KCNN2: variants seen among roughly 807,000 people sequenced by gnomAD.
KCNN2 encodes the protein small conductance calcium-activated potassium channel protein 2.
KCNN2 carries 24 observed loss-of-function variants against 55.5 expected under a neutral mutation model. The observed-to-expected ratio is 0.43, with a 90% CI of 0.31 to 0.61. KCNN2 has a LOEUF of 0.61. KCNN2 is among the 20% of genes least tolerant of loss of function. The pLI, the probability that KCNN2 is intolerant of heterozygous loss-of-function variation, is 0.08. For missense variants in KCNN2, 754 were observed against 853.6 expected, an observed-to-expected ratio of 0.88 and a Z score of 1.45; for synonymous variants, 431 against 336.1, an observed-to-expected ratio of 1.28 and a Z score of -3.09.
intron 1 of KCNN2, among the ~76,000 whole-genome samples, chr5:114,169,719 A>T (rs888352740): frequency 6.6e-6 from 1 of 152,012 alleles, no homozygotes; most frequent in Non-Finnish European, 1.5e-5. Flanking sequence ...GTAGAAAGAG[A>T]TGTTGAACAA....
intron 2 of KCNN2, among the ~76,000 whole-genome samples, chr5:114,295,276 T>G (rs1285519510): frequency 6.6e-6 from 1 of 152,238 alleles, no homozygotes; most frequent in African/African-American, 2.4e-5. Flanking sequence ...GCTGTCTTTT[T>G]GTTTGTCTGT....
intron 1 of KCNN2, among the ~76,000 whole-genome samples, chr5:114,088,664 G>C (rs1239763501): frequency 6.6e-6 from 1 of 152,076 alleles, no homozygotes; most frequent in African/African-American, 2.4e-5. Context: ...CTGTCGCCCA[G>C]GCTGGAGTGC....
intron 3 of KCNN2, among the ~76,000 whole-genome samples, chr5:114,462,004 A>G (rs186538834): frequency 3.3e-5 from 5 of 152,302 alleles, no homozygotes; most frequent in East Asian, 1.9e-4. Context: ...GTCCTTTCCA[A>G]TGGTGGGTGA....
intron 1 of KCNN2, among the ~76,000 whole-genome samples, chr5:114,208,099 C>G (rs1009578074): frequency 6.6e-6 from 1 of 152,180 alleles, no homozygotes. Context: ...GGAATTAAAA[C>G]ACAAGAATGA....
intron 2 of KCNN2, among the ~76,000 whole-genome samples, chr5:114,291,383 C>T (rs1755884025): frequency 6.6e-6 from 1 of 151,980 alleles, no homozygotes; most frequent in Non-Finnish European, 1.5e-5. Flanking sequence ...TGTTCCCCTT[C>T]CTATGTCCAT....
At chr5:114,082,585 T>A (rs1750849731) in intron 1 of KCNN2, among the ~76,000 whole-genome samples, 1 of 152,202 alleles carries the variant, frequency 6.6e-6, no homozygotes. Context: ...ATTCTACTTC[T>A]GGATATACGT....
At chr5:114,481,891 A>G (rs1047023283) in intron 5 of KCNN2, among the ~76,000 whole-genome samples, 7 of 152,352 alleles carry the variant, frequency 4.6e-5, no homozygotes, top group African/African-American at 1.7e-4. Context: ...ACCAAGGTGT[A>G]TTAAAGACTT....
chr5:114,410,551 T>C (rs188394751), intron 3 of KCNN2, among the ~76,000 whole-genome samples: 23 of 152,252 alleles, frequency 1.5e-4, no homozygotes, highest in African/African-American at 5.5e-4. Context: ...GTTTTGGAGA[T>C]AGAAAGAAAT....
chr5:114,363,087 C>T lies in KCNN2; in HGVS notation c.948C>T (p.Ser316=), dbSNP rs2150045959. ...GTGGCGGGAGCGGGCACGGCAGCAGCAGTGGCACCAAGTCCAGCAAAAAGA... is the reference window on the plus strand; with the variant it reads ...GTGGCGGGAGCGGGCACGGCAGCAGTAGTGGCACCAAGTCCAGCAAAAAGA... ...GGGGGSGHGS[S]SGTKSSKKKN... The change falls in exon 1 of 8, where the codon AGC becomes AGT. Residue 316 remains serine (S), a synonymous_variant. Coordinates refer to ENST00000673685, the MANE Select transcript of KCNN2 (RefSeq NM_021614.4). 6.2e-7 allele frequency: 1 copy of T among 1,611,694 alleles called. No homozygotes were observed. The highest frequency in any genetic ancestry group is 8.5e-7 in the Non-Finnish European group (1 of 1,179,810).
intron 1 of KCNN2, among the ~76,000 whole-genome samples, chr5:114,219,833 AGTCT>A (rs1754095681): frequency 6.6e-6 from 1 of 152,154 alleles, no homozygotes; most frequent in African/African-American, 2.4e-5. Context: ...TAATCTTTAA[AGTCT>A]ATCAAAAATA....
At chr5:114,486,969 G>A in intron 5 of KCNN2, 81 bp from the exon 6 acceptor site, 2 of 1,497,116 alleles carry the variant, frequency 1.3e-6, no homozygotes, top group Non-Finnish European at 1.8e-6. Context: ...TGATCCTTGG[G>A]ATGAAGACTA....
chr5:114,288,491 T>TAC (rs1193889889), intron 2 of KCNN2, among the ~76,000 whole-genome samples: 4 of 21,432 alleles, frequency 1.9e-4, no homozygotes, highest in Admixed American at 7.9e-4. Flanking sequence ...TTACTTTATA[T>TAC]ATATATATAC....
chr5:114,455,085 A>G (rs1472903699), intron 3 of KCNN2, among the ~76,000 whole-genome samples: 1 of 151,364 alleles, frequency 6.6e-6, no homozygotes, highest in African/African-American at 2.4e-5. Flanking sequence ...TCAATGTGTT[A>G]CTTCAGTGGT....
intron 1 of KCNN2, among the ~76,000 whole-genome samples, chr5:114,162,379 G>A (rs1311877879): frequency 6.6e-6 from 1 of 152,166 alleles, no homozygotes; most frequent in Non-Finnish European, 1.5e-5. Context: ...TCTCAGAGGA[G>A]TACCCGGCCG....
At chr5:114,126,527 T>C (rs528383466) in intron 1 of KCNN2, among the ~76,000 whole-genome samples, 1 of 152,224 alleles carries the variant, frequency 6.6e-6, no homozygotes, top group African/African-American at 2.4e-5. Context: ...CCCGCATGAT[T>C]CAATTATCTC....
At chr5:114,258,668 C>T (rs533439854) in intron 2 of KCNN2, among the ~76,000 whole-genome samples, 1 of 152,288 alleles carries the variant, frequency 6.6e-6, no homozygotes, top group African/African-American at 2.4e-5. Context: ...CCTGATCGGG[C>T]AGGAATGTGA....
At chr5:114,182,013 C>A (rs1446833239) in intron 1 of KCNN2, among the ~76,000 whole-genome samples, 2 of 150,530 alleles carry the variant, frequency 1.3e-5, no homozygotes, top group African/African-American at 2.4e-5. Flanking sequence ...GAAGCTGTGT[C>A]AAAAAAAAAA....
intron 2 of KCNN2, among the ~76,000 whole-genome samples, chr5:114,294,001 C>T (rs138037659): frequency 0.02 from 3,113 of 152,096 alleles, 102 homozygotes; most frequent in African/African-American, 0.071. Flanking sequence ...TAGTATTCTC[C>T]GATGGTAGTT....
At chr5:114,170,911 C>T (rs1379990230) in intron 1 of KCNN2, among the ~76,000 whole-genome samples, 1 of 152,024 alleles carries the variant, frequency 6.6e-6, no homozygotes, top group Non-Finnish European at 1.5e-5. Context: ...TCTCCATTAT[C>T]TCAAGCTATG....
Sources: gnomAD v4.1 joint callset for allele counts (sites outside exome capture counted in the v4.1 genomes callset) on GRCh38, gnomAD v4.1.1 for gene constraint, MANE v1.5 for transcripts, NCBI Gene and HGNC (gene_info 2026-07-23, HGNC 2026-07-21) for gene names.